Variants in BMPER observed in about 807,000 individuals in gnomAD.
BMPER encodes the protein BMP-binding endothelial regulator protein.
A neutral mutation model predicts 87.3 loss-of-function variants in BMPER; 45 were observed. The ratio of observed to expected loss-of-function variants is 0.52; its 90% CI spans 0.41 to 0.66. The LOEUF is 0.66. Ranked by LOEUF, BMPER falls within the 30% of genes least tolerant of loss-of-function variation. The probability of loss-of-function intolerance (pLI) is 0.00; values close to 1 mark genes in which losing one functional copy is unlikely to be tolerated. For missense variants in BMPER, 784 were observed against 867.5 expected (o/e 0.90, Z 1.21); for synonymous variants, 326 against 316.2 (o/e 1.03, Z -0.33).
intron 6 of BMPER, among the ~76,000 whole-genome samples, chr7:34,032,405 G>T (rs1207973701): frequency 6.6e-6 from 1 of 151,990 alleles, no homozygotes; most frequent in African/African-American, 2.4e-5. Context: ...TCAAAGTTTT[G>T]ATTCATCACC....
chr7:33,994,009 A>G (rs1222484403), intron 6 of BMPER, among the ~76,000 whole-genome samples: 1 of 152,220 alleles, frequency 6.6e-6, no homozygotes, highest in East Asian at 1.9e-4. Flanking sequence ...TGGGAGAACC[A>G]CTGCTCTCTT....
intron 3 of BMPER, among the ~76,000 whole-genome samples, chr7:33,955,858 A>C (rs1785135054): frequency 1.3e-5 from 2 of 152,220 alleles, no homozygotes; most frequent in Non-Finnish European, 2.9e-5. Context: ...TGGCATAGAC[A>C]GAAGGATGGA....
At chr7:34,057,962 G>A in intron 9 of BMPER, 97 bp from the exon 10 acceptor site, 5 of 1,065,190 alleles carry the variant, frequency 4.7e-6, no homozygotes, top group Non-Finnish European at 7.2e-6. Flanking sequence ...CCTCACTCAG[G>A]GCAAGAAATG....
At chr7:34,131,662 A>G (rs972719093) in intron 13 of BMPER, among the ~76,000 whole-genome samples, 3 of 151,890 alleles carry the variant, frequency 2.0e-5, no homozygotes, top group Admixed American at 1.3e-4. Flanking sequence ...AATTTTCCTC[A>G]CCGCCATTTG....
intron 13 of BMPER, among the ~76,000 whole-genome samples, chr7:34,124,589 G>C (rs1224643516): frequency 1.3e-5 from 2 of 151,846 alleles, no homozygotes; most frequent in African/African-American, 4.8e-5. Flanking sequence ...TCAATTACAG[G>C]CTATCATGTC....
chr7:33,914,073 T>C (rs1283048712), intron 2 of BMPER, among the ~76,000 whole-genome samples: 1 of 151,632 alleles, frequency 6.6e-6, no homozygotes, highest in Non-Finnish European at 1.5e-5. Context: ...GCCATTCTCC[T>C]GCCTCAGCCC....
intron 7 of BMPER, 21 bp from the exon 8 acceptor site, chr7:34,051,840 T>C: frequency 6.3e-7 from 1 of 1,577,580 alleles, no homozygotes; most frequent in Admixed American, 1.7e-5. Context: ...TTACTTACAC[T>C]GTGCTTCTGT....
intron 10 of BMPER, among the ~76,000 whole-genome samples, chr7:34,058,671 G>A (rs1788348829): frequency 1.3e-5 from 2 of 152,296 alleles, no homozygotes; most frequent in Admixed American, 6.5e-5. Context: ...AATGGAAATA[G>A]CATCCTTATG....
At position 34,086,031 on chromosome 7, in the gene BMPER, A is replaced by G; in HGVS notation, c.1684A>G (p.Lys562Glu). Residue 562 changes from lysine (K) to glutamate (E), a missense_variant, in exon 13 of 15, where the codon AAG becomes GAG. Coordinates refer to ENST00000649409, the MANE Select transcript of BMPER (RefSeq NM_001365308.1). ...GCTCCGGGCCCATCGAGAATGCCAAAAGCTCAAATCCTGGGAGTTTCAGAC... is the reference window on the plus strand; with the variant it reads ...GCTCCGGGCCCATCGAGAATGCCAAGAGCTCAAATCCTGGGAGTTTCAGAC... The part of the protein sequence containing the change: ...VKLRAHRECQ[K>E]LKSWEFQTCH... 6 of 1,614,056 alleles carry G rather than the reference A, an allele frequency of 3.7e-6. No homozygotes were observed. The highest frequency in any genetic ancestry group is 5.1e-6 in the Non-Finnish European group (6 of 1,180,012).
intron 7 of BMPER, among the ~76,000 whole-genome samples, chr7:34,049,169 G>C (rs1440113724): frequency 1.3e-5 from 2 of 152,162 alleles, no homozygotes; most frequent in African/African-American, 4.8e-5. Context: ...GCACAGGTCA[G>C]TGTACACAGA....
chr7:34,004,294 A>G (rs1052819554), intron 6 of BMPER, among the ~76,000 whole-genome samples: 2 of 151,944 alleles, frequency 1.3e-5, no homozygotes, highest in African/African-American at 4.8e-5. Flanking sequence ...TGATTGTTAT[A>G]CTTTTATTTT....
intron 13 of BMPER, among the ~76,000 whole-genome samples, chr7:34,126,935 G>A (rs1451612514): frequency 6.6e-6 from 1 of 152,166 alleles, no homozygotes; most frequent in Non-Finnish European, 1.5e-5. Flanking sequence ...TTATAAAACA[G>A]CAGACAGCCC....
rs1360436846 is a variant in BMPER at position 33,970,439 on chromosome 7, G to C, written c.493+20G>C. 5.6e-6 allele frequency: 9 copies of C among 1,608,240 alleles called. No individual in the cohort carries two copies. Among genetic ancestry groups the C allele is most frequent in the Non-Finnish European group, 7.7e-6 (9 of 1,174,668 alleles). On this transcript the variant is annotated intron_variant, in intron 5 of 14. Transcript: ENST00000649409. Reference sequence around the variant, plus strand: ...GTCCAGGTAACGTTCTCAGGAAGGGGAGGCTGGAAATCTCTGTGTGTTCTT... The same window carrying C: ...GTCCAGGTAACGTTCTCAGGAAGGGCAGGCTGGAAATCTCTGTGTGTTCTT...
chr7:34,145,609 A>G (rs1201985928), intron 14 of BMPER, among the ~76,000 whole-genome samples: 1 of 152,104 alleles, frequency 6.6e-6, no homozygotes, highest in Non-Finnish European at 1.5e-5. Context: ...TCTATTTTGA[A>G]TCCCCTTTCC....
intron 3 of BMPER, among the ~76,000 whole-genome samples, chr7:33,966,263 G>T (rs1371123637): frequency 2.0e-5 from 3 of 152,178 alleles, no homozygotes; most frequent in Non-Finnish European, 2.9e-5. Flanking sequence ...AATTCAGGAG[G>T]TTAATCTTCT....
At chr7:33,906,111 C>CA (rs1395860261) in intron 1 of BMPER, among the ~76,000 whole-genome samples, 4 of 152,188 alleles carry the variant, frequency 2.6e-5, no homozygotes, top group Admixed American at 2.0e-4. Flanking sequence ...TTTGGGGTTG[C>CA]AATACATCCA....
chr7:33,943,146 T>C (rs1188515045), intron 3 of BMPER, among the ~76,000 whole-genome samples: 1 of 152,240 alleles, frequency 6.6e-6, no homozygotes, highest in Non-Finnish European at 1.5e-5. Flanking sequence ...GAAGTTCTTT[T>C]TGAGCCTGTG....
chr7:33,953,148 G>A (rs954034890), intron 3 of BMPER, among the ~76,000 whole-genome samples: 2 of 152,180 alleles, frequency 1.3e-5, no homozygotes, highest in East Asian at 1.9e-4. Flanking sequence ...ACTGGGTTCC[G>A]GGGACTGTGG....
chr7:33,993,676 T>G (rs1786302613), intron 6 of BMPER, among the ~76,000 whole-genome samples: 1 of 152,116 alleles, frequency 6.6e-6, no homozygotes, highest in African/African-American at 2.4e-5. Context: ...CTGCGTTCCT[T>G]TGGAGGAGGA....
Sources: gnomAD v4.1 joint callset for allele counts (sites outside exome capture counted in the v4.1 genomes callset) on GRCh38, gnomAD v4.1.1 for gene constraint, MANE v1.5 for transcripts, NCBI Gene and HGNC (gene_info 2026-07-23, HGNC 2026-07-21) for gene names.